GRPEL2: variants seen among roughly 807,000 people sequenced by gnomAD.
GRPEL2 encodes GrpE like 2, mitochondrial.
GRPEL2 carries 18 observed loss-of-function variants against 25.9 expected under a neutral mutation model. The observed-to-expected ratio is 0.70, with a 90% CI of 0.48 to 1.03. The LOEUF is 1.03. GRPEL2 is among the 50% of genes least tolerant of loss of function. The pLI, the probability that GRPEL2 is intolerant of heterozygous loss-of-function variation, is 0.00. For missense variants in GRPEL2, 247 were observed against 276.2 expected, an observed-to-expected ratio of 0.89 and a Z score of 0.75; for synonymous variants, 106 against 107.9, an observed-to-expected ratio of 0.98 and a Z score of 0.11.
At position 149,351,655 on chromosome 5, in the gene GRPEL2, G is replaced by A. The variant is rs783777; in HGVS notation, c.*373G>A. 0.11 allele frequency: 18,273 copies of A among 162,394 alleles called. 1,416 individuals are homozygous for A. Among genetic ancestry groups the A allele is most frequent in the Non-Finnish European group, 0.16 (12,116 of 73,694 alleles). 10.1% of individuals were successfully genotyped at this position (162,394 alleles called of 1,614,324 possible). On this transcript the variant is annotated 3_prime_UTR_variant, in exon 4 of 4. Coordinates refer to ENST00000329271, the MANE Select transcript of GRPEL2 (RefSeq NM_152407.4). ...TATCTTGTATTTTGTGGAAAAAGGA[G>A]ATGGTAGGGATTGGTTCAACATTTG...
At chr5:149,350,756 T>C (rs1757761712) in intron 3 of GRPEL2, among the ~76,000 whole-genome samples, 162 bp from the exon 4 acceptor site, 1 of 152,126 alleles carries the variant, frequency 6.6e-6, no homozygotes, top group Non-Finnish European at 1.5e-5. Flanking sequence ...GTCAGTTGGG[T>C]TGGGGTGGTA....
chr5:149,351,382 A>G lies in GRPEL2; in HGVS notation c.*100A>G, dbSNP rs1238934642. 3.2e-6 allele frequency: 4 copies of G among 1,253,138 alleles called. No individual in the cohort carries two copies. The highest frequency in any genetic ancestry group is 4.6e-5 in the Admixed American group (2 of 43,136). The allele number at this position is 1,253,138 out of a possible 1,614,324, so 77.6% of individuals were successfully genotyped here. ...TATTGTACATGAGGTACTTCATGTG[A>G]TATGTTTTGGATTTAGTCATATTGG... is the stretch of plus-strand genomic sequence containing the variant. On this transcript the variant is annotated 3_prime_UTR_variant, in exon 4 of 4. Coordinates refer to ENST00000329271, the MANE Select transcript of GRPEL2 (RefSeq NM_152407.4).
chr5:149,345,607 G>A lies in GRPEL2; in HGVS notation c.68G>A (p.Trp23Ter), dbSNP rs1757674741. ...CGCCTACTGGCCTGGAGTGCCGCGTGGGAGAGCAAGTAAGCATTGCAGGCG... is the reference window on the plus strand; with the variant it reads ...CGCCTACTGGCCTGGAGTGCCGCGTAGGAGAGCAAGTAAGCATTGCAGGCG... The part of the protein sequence containing the change: ...VQRLLAWSAA[W>*]ESKGWPLPFS... The change falls in exon 1 of 4, where the codon TGG becomes TAG. Residue 23 changes from tryptophan to a stop codon, truncating the protein, a stop_gained. Transcript: ENST00000329271. LOFTEE classifies it high-confidence loss of function. 2 of 1,609,952 alleles carry A rather than the reference G, an allele frequency of 1.2e-6. No homozygotes were observed. Among genetic ancestry groups the A allele is most frequent in the Non-Finnish European group, 1.7e-6 (2 of 1,178,600 alleles).
chr5:149,347,559 C>T (rs545727387), intron 1 of GRPEL2, among the ~76,000 whole-genome samples: 1 of 152,294 alleles, frequency 6.6e-6, no homozygotes, highest in South Asian at 2.1e-4. Flanking sequence ...AACTAAATGT[C>T]AAAACAGTTT....
chr5:149,347,687 T>C (rs1281073817), intron 1 of GRPEL2, among the ~76,000 whole-genome samples: 4 of 152,238 alleles, frequency 2.6e-5, no homozygotes, highest in African/African-American at 7.2e-5. Context: ...CTTGATCTTA[T>C]TTATAGGTGG....
intron 1 of GRPEL2, among the ~76,000 whole-genome samples, chr5:149,346,005 T>G (rs1479097162): frequency 6.6e-6 from 1 of 152,238 alleles, no homozygotes; most frequent in Non-Finnish European, 1.5e-5. Context: ...ATCCGGGCAC[T>G]GTTGTACCTG....
In GRPEL2 at chr5:149,351,018, C is replaced by G. The variant is rs1299375253; in HGVS notation, c.414C>G (p.Leu138=). 1 of 1,614,220 alleles carries G rather than the reference C, an allele frequency of 6.2e-7. No homozygotes were observed. Among genetic ancestry groups the G allele is most frequent in the South Asian group, 1.1e-5 (1 of 91,078 alleles). The change falls in exon 4 of 4, where the codon CTC becomes CTG. Residue 138 remains leucine, a synonymous_variant. Coordinates refer to ENST00000329271, the MANE Select transcript of GRPEL2 (RefSeq NM_152407.4). ...SEESEPEDQK[L]TLEKVFRGLL... is the part of the protein sequence containing the mutation. Reference sequence around the variant, plus strand: ...AATCGGAGCCTGAGGACCAAAAGCTCACTCTGGAGAAGGTCTTCCGAGGGT... The same window carrying G: ...AATCGGAGCCTGAGGACCAAAAGCTGACTCTGGAGAAGGTCTTCCGAGGGT...
rs1166359053 is a variant in GRPEL2, at chr5:149,345,524, A to C, written c.-16A>C. 17 of 1,608,268 alleles carry C rather than the reference A, an allele frequency of 1.1e-5. No individual in the cohort carries two copies. Among genetic ancestry groups the C allele is most frequent in the Non-Finnish European group, 1.4e-5 (16 of 1,177,520 alleles). On this transcript the variant is annotated 5_prime_UTR_variant, in exon 1 of 4. Transcript: ENST00000329271. ...AGCAAGTGCGCGTGCGCTGCCTCTC[A>C]GCCCAAATTGGAAACATGGCCGTAC...
Position 149,352,933 on chromosome 5 carries a change from C to T in GRPEL2, c.*1651C>T, listed in dbSNP as rs1757798432. 1 of 152,268 alleles carries T rather than the reference C, an allele frequency of 6.6e-6. No individual in the cohort carries two copies. Among genetic ancestry groups the T allele is most frequent in the South Asian group, 2.1e-4 (1 of 4,832 alleles). 9.4% of individuals were successfully genotyped at this position (152,268 alleles called of 1,614,324 possible). On this transcript the variant is annotated 3_prime_UTR_variant, in exon 4 of 4. Transcript: ENST00000329271. Reference sequence around the variant, plus strand: ...AATGGGCATGCAATGAAGTCTCCAGCAGACAATCAGATGTTGTTGGATGTC... The same window carrying T: ...AATGGGCATGCAATGAAGTCTCCAGTAGACAATCAGATGTTGTTGGATGTC...
In GRPEL2 at chr5:149,348,442, T is replaced by C. The variant is rs1554105032; in HGVS notation, c.231+17T>C. ...GATTTAACAGTGAGTCAATTTTATATTTCTTCTTCATATCCTCTCTCTAGT... is the reference window on the plus strand; with the variant it reads ...GATTTAACAGTGAGTCAATTTTATACTTCTTCTTCATATCCTCTCTCTAGT... On this transcript the variant is annotated intron_variant, in intron 2 of 3. Transcript: ENST00000329271. 44 of 1,572,634 alleles carry C rather than the reference T, an allele frequency of 2.8e-5. No homozygotes were observed. The South Asian group carries it at 4.7e-4, about 17-fold the overall frequency.
chr5:149,346,769 AC>A (rs1197861371), intron 1 of GRPEL2, among the ~76,000 whole-genome samples: 37 of 98,908 alleles, frequency 3.7e-4, no homozygotes, highest in African/African-American at 1.5e-3. Flanking sequence ...ACGGAGTCTC[AC>A]TCTGTCGCCC....
At chr5:149,345,690 G>C (rs1757677166) in intron 1 of GRPEL2, 74 bp downstream of exon 1, 2 of 1,292,668 alleles carry the variant, frequency 1.5e-6, no homozygotes, top group African/African-American at 2.9e-5. Context: ...GTGGTTGTGG[G>C]CTGGAAGGCG....
In GRPEL2 at chr5:149,345,567, C is replaced by A; in HGVS notation, c.28C>A (p.Arg10=). ...GGCCGTACGGTCGCTGTGGGCGGGCCGGCTGCGGGTGCAGCGCCTACTGGC... is the reference window on the plus strand; with the variant it reads ...GGCCGTACGGTCGCTGTGGGCGGGCAGGCTGCGGGTGCAGCGCCTACTGGC... The part of the protein sequence containing the change: MAVRSLWAG[R]LRVQRLLAWS... The change falls in exon 1 of 4, where the codon CGG becomes AGG. Residue 10 remains arginine, a synonymous_variant. Transcript: ENST00000329271. 3.1e-6 allele frequency: 5 copies of A among 1,611,990 alleles called. No homozygotes were observed. In the South Asian group the frequency reaches 5.5e-5, roughly 18 times the overall value.
At position 149,353,774 on chromosome 5, in the gene GRPEL2, T is replaced by A. The variant is rs1168698561; in HGVS notation, c.*2492T>A. 4 of 152,200 alleles carry A rather than the reference T, an allele frequency of 2.6e-5. No individual in the cohort carries two copies. Among genetic ancestry groups the A allele is most frequent in the Non-Finnish European group, 4.4e-5 (3 of 68,032 alleles). 9.4% of individuals were successfully genotyped at this position (152,200 alleles called of 1,614,324 possible). On this transcript the variant is annotated 3_prime_UTR_variant, in exon 4 of 4. Transcript: ENST00000329271. ...AAAGTGTAAATTTAGAATTAGAAGA[T>A]GAAGCTATAGTAGTAAGAATCTCAA...
chr5:149,350,312 G>A (rs761680699), intron 3 of GRPEL2, among the ~76,000 whole-genome samples: 1 of 152,166 alleles, frequency 6.6e-6, no homozygotes, highest in Admixed American at 6.5e-5. Context: ...CAGTTCGTAT[G>A]ACTCTTTTAA....
intron 2 of GRPEL2, 121 bp downstream of exon 2, chr5:149,348,546 C>T (rs1472484047): frequency 2.7e-6 from 2 of 753,272 alleles, no homozygotes; most frequent in Non-Finnish European, 4.2e-6. Context: ...TGCTACCCCT[C>T]ATCCCTCCTC....
At position 149,349,743 on chromosome 5, in the gene GRPEL2, A is replaced by G; in HGVS notation, c.313+8A>G. 6.2e-7 allele frequency: 1 copy of G among 1,605,822 alleles called. No homozygotes were observed. Among genetic ancestry groups the G allele is most frequent in the Non-Finnish European group, 8.5e-7 (1 of 1,172,558 alleles). On this transcript the variant is annotated splice_region_variant and intron_variant, in intron 3 of 3. Coordinates refer to ENST00000329271, the MANE Select transcript of GRPEL2 (RefSeq NM_152407.4). ...AAGACGCCAAGATATTTGGTGAGAGATTTATTTACAATAAAAATGTCTTTG... is the reference window on the plus strand; with the variant it reads ...AAGACGCCAAGATATTTGGTGAGAGGTTTATTTACAATAAAAATGTCTTTG...
chr5:149,345,870 T>C, intron 1 of GRPEL2: 1 of 543,246 alleles, frequency 1.8e-6, no homozygotes. Flanking sequence ...GTGAGAAGTC[T>C]CTTAAGCCCC....
chr5:149,350,196 C>T (rs1011900716), intron 3 of GRPEL2, among the ~76,000 whole-genome samples: 11 of 152,208 alleles, frequency 7.2e-5, no homozygotes, highest in Non-Finnish European at 1.6e-4. Context: ...GTGTCATAGA[C>T]CTCTCTAATG....
Sources: gnomAD v4.1 joint callset for allele counts (sites outside exome capture counted in the v4.1 genomes callset) on GRCh38, gnomAD v4.1.1 for gene constraint, MANE v1.5 for transcripts, NCBI Gene and HGNC (gene_info 2026-07-23, HGNC 2026-07-21) for gene names.